L3MBTL4: variants seen among roughly 807,000 people sequenced by gnomAD.
L3MBTL4 encodes lethal(3)malignant brain tumor-like protein 4.
Under a neutral mutation model 84.5 loss-of-function variants are expected in L3MBTL4, and 70 were observed. The observed-to-expected ratio is 0.83, with a 90% confidence interval of 0.68 to 1.01. The LOEUF is 1.01. L3MBTL4 is among the 50% of genes least tolerant of loss of function. The pLI, the probability that L3MBTL4 is intolerant of heterozygous loss-of-function variation, is 0.00. For missense variants in L3MBTL4, 715 were observed against 754.8 expected (o/e 0.95, Z 0.62); for synonymous variants, 274 against 259.8 (o/e 1.05, Z -0.52).
chr18:6,289,345 T>A (rs567671949), intron 4 of L3MBTL4, among the ~76,000 whole-genome samples: 1 of 152,158 alleles, frequency 6.6e-6, no homozygotes. Context: ...AACAACAAGG[T>A]TTTTTTGAAA....
intron 12 of L3MBTL4, among the ~76,000 whole-genome samples, chr18:6,191,813 C>T (rs1445555055): frequency 6.6e-6 from 1 of 151,948 alleles, no homozygotes; most frequent in Non-Finnish European, 1.5e-5. Context: ...CATAATGGGA[C>T]CTTTGTCACT....
intron 12 of L3MBTL4, among the ~76,000 whole-genome samples, chr18:6,188,734 C>G (rs1437197150): frequency 6.6e-6 from 1 of 152,186 alleles, no homozygotes; most frequent in Admixed American, 6.5e-5. Context: ...TGCCGAAACC[C>G]CAGACCCTGA....
intron 1 of L3MBTL4, among the ~76,000 whole-genome samples, chr18:6,354,417 A>T (rs2143841675): frequency 6.6e-6 from 1 of 152,328 alleles, no homozygotes; most frequent in Non-Finnish European, 1.5e-5. Flanking sequence ...AACCAAAGCA[A>T]AATGGACAAA....
chr18:6,382,137 GT>G (rs1190509303), intron 1 of L3MBTL4, among the ~76,000 whole-genome samples: 2 of 151,958 alleles, frequency 1.3e-5, no homozygotes, highest in Non-Finnish European at 2.9e-5. Context: ...ATTGATACTT[GT>G]GTATGCTTCA....
intron 14 of L3MBTL4, among the ~76,000 whole-genome samples, chr18:6,122,571 C>A (rs965884358): frequency 1.3e-5 from 2 of 152,208 alleles, no homozygotes; most frequent in African/African-American, 4.8e-5. Context: ...CTCTTCCTTG[C>A]CTTCCACCAT....
chr18:6,253,235 T>C (rs766032389), intron 5 of L3MBTL4, among the ~76,000 whole-genome samples: 2 of 152,038 alleles, frequency 1.3e-5, no homozygotes, highest in Non-Finnish European at 2.9e-5. Context: ...AAACCCTATA[T>C]TGGAACTATG....
chr18:6,413,221 A>T (rs2056044303), intron 1 of L3MBTL4, among the ~76,000 whole-genome samples: 1 of 152,256 alleles, frequency 6.6e-6, no homozygotes, highest in Non-Finnish European at 1.5e-5. Flanking sequence ...TGCAGAGGTT[A>T]ACCAAGCTGA....
chr18:6,223,302 G>A (rs1259845738), intron 10 of L3MBTL4, among the ~76,000 whole-genome samples: 1 of 152,034 alleles, frequency 6.6e-6, no homozygotes, highest in Admixed American at 6.6e-5. Flanking sequence ...CCTTCTAAAT[G>A]CCAACAGGTA....
chr18:6,072,865 CAAAAA>C (rs71370542), intron 16 of L3MBTL4, among the ~76,000 whole-genome samples: 2 of 3,064 alleles, frequency 6.5e-4, no homozygotes, highest in African/African-American at 5.0e-3. Flanking sequence ...GACTCCGTCT[CAAAAA>C]AAAAAAAAAA....
Position 6,099,585 on chromosome 18 carries a change from AATAT to A in L3MBTL4, c.1200-6061_1200-6058del, listed in dbSNP as rs36091567. Among the ~76,000 whole-genome samples, 200 of 64,752 alleles carry A rather than the reference AATAT, an allele frequency of 3.1e-3. 27 individuals carry two copies. The highest frequency in any genetic ancestry group is 0.011 in the East Asian group (11 of 1,024). The allele number at this position is 64,752 out of a possible 152,430, so 42.5% of individuals were successfully genotyped here. A position where few individuals can be genotyped will look rare whatever the true frequency, so the allele number is the denominator to read the frequency against. On this transcript the variant is annotated intron_variant, in intron 14 of 18. Transcript: ENST00000317931. ...TATCTATAGATAGATAGATAATGTA[AATAT>A]ATATATATATATATATATGGAGAGA...
At chr18:6,109,982 G>A (rs538150) in intron 14 of L3MBTL4, among the ~76,000 whole-genome samples, 1 of 152,234 alleles carries the variant, frequency 6.6e-6, no homozygotes, top group Admixed American at 6.5e-5. Context: ...AGGTGGACTC[G>A]CACACGGGGT....
At chr18:5,982,056 A>G (rs189626891) in intron 16 of L3MBTL4, among the ~76,000 whole-genome samples, 15 of 151,820 alleles carry the variant, frequency 9.9e-5, no homozygotes, top group Admixed American at 7.2e-4. Context: ...TGAAATGTTT[A>G]AATGGCAGGA....
intron 16 of L3MBTL4, among the ~76,000 whole-genome samples, chr18:6,069,765 C>A (rs1482616494): frequency 6.6e-6 from 1 of 152,064 alleles, no homozygotes; most frequent in Non-Finnish European, 1.5e-5. Context: ...ACTCAGTGCT[C>A]CAATAACAAA....
chr18:6,355,958 T>C (rs778260694), intron 1 of L3MBTL4, among the ~76,000 whole-genome samples: 12 of 152,114 alleles, frequency 7.9e-5, no homozygotes. Flanking sequence ...TCCATTTCTA[T>C]GACACCACAA....
intron 14 of L3MBTL4, among the ~76,000 whole-genome samples, chr18:6,132,764 A>G (rs1387099678): frequency 6.6e-6 from 1 of 152,210 alleles, no homozygotes; most frequent in Non-Finnish European, 1.5e-5. Context: ...GATGAGAGAA[A>G]GTTCAGAGAA....
intron 12 of L3MBTL4, among the ~76,000 whole-genome samples, chr18:6,180,587 T>A (rs2145339839): frequency 6.6e-6 from 1 of 152,354 alleles, no homozygotes; most frequent in South Asian, 2.1e-4. Flanking sequence ...AAACTTTTAA[T>A]CACTAAGTTG....
chr18:6,284,496 G>A (rs112261284), intron 4 of L3MBTL4, among the ~76,000 whole-genome samples: 107 of 152,280 alleles, frequency 7.0e-4, no homozygotes, highest in African/African-American at 1.9e-3. Context: ...CAGCTCAGCC[G>A]GGCGAGGCGG....
chr18:6,357,016 C>T lies in L3MBTL4; in HGVS notation c.-90-44960G>A, dbSNP rs571494505. On this transcript the variant is annotated intron_variant, in intron 1 of 18. Transcript: ENST00000317931. ...ATCTTTCAGCTCTGTTATAATCTTA[C>T]GTGATCATATATGCATATGGGTGTC... 9.2e-5 allele frequency among the ~76,000 whole-genome samples: 14 copies of T among 152,256 alleles called. No individual in the cohort carries two copies. The South Asian group carries it at 2.1e-3, about 23-fold the overall frequency.
chr18:6,093,903 A>C (rs2058544390), intron 14 of L3MBTL4, among the ~76,000 whole-genome samples: 1 of 152,236 alleles, frequency 6.6e-6, no homozygotes, highest in Admixed American at 6.5e-5. Flanking sequence ...ATCAGAAAAG[A>C]CTATGGGTAA....
Sources: allele counts gnomAD v4.1 joint callset (sites outside exome capture counted in the v4.1 genomes callset), GRCh38; gene constraint gnomAD v4.1.1; transcripts MANE v1.5; gene names NCBI Gene and HGNC (gene_info 2026-07-23, HGNC 2026-07-21).